APH1B: variants seen among roughly 807,000 people sequenced by gnomAD.
The protein encoded by APH1B is gamma-secretase subunit APH-1B.
In APH1B, 27 loss-of-function variants were observed where a neutral mutation model predicts 28.2. That is an observed-to-expected ratio of 0.96 (90% CI 0.70 to 1.32). The LOEUF is 1.32. Ranked by LOEUF, APH1B falls within the 40% of genes most tolerant of loss-of-function variation. The probability of loss-of-function intolerance (pLI) is 0.00; values close to 1 mark genes in which losing one functional copy is unlikely to be tolerated. For missense variants in APH1B, 305 were observed against 313.6 expected, an observed-to-expected ratio of 0.97 and a Z score of 0.21; for synonymous variants, 141 against 124.6, an observed-to-expected ratio of 1.13 and a Z score of -0.88.
chr15:63,283,241 C>G (rs1330166594), intron 2 of APH1B, among the ~76,000 whole-genome samples: 1 of 152,074 alleles, frequency 6.6e-6, no homozygotes, highest in Non-Finnish European at 1.5e-5. Flanking sequence ...TTGATTGATT[C>G]ACTGATTGAC....
intron 2 of APH1B, among the ~76,000 whole-genome samples, chr15:63,283,094 T>C (rs1275146152): frequency 2.0e-5 from 3 of 152,202 alleles, no homozygotes; most frequent in Non-Finnish European, 4.4e-5. Context: ...ATGTTGACAT[T>C]GAGAACTCTT....
chr15:63,287,576 G>C (rs200254809), intron 4 of APH1B, 30 bp downstream of exon 4: 94 of 1,607,756 alleles, frequency 5.8e-5, no homozygotes, highest in Non-Finnish European at 7.9e-5. Flanking sequence ...CAACATTCAG[G>C]CTTCTAGTCT....
chr15:63,287,354 A>G (rs1243963448), intron 3 of APH1B, 70 bp from the exon 4 acceptor site: 3 of 1,593,298 alleles, frequency 1.9e-6, no homozygotes, highest in Non-Finnish European at 2.6e-6. Context: ...CTTTGTATTA[A>G]CTAGTCCTTG....
intron 2 of APH1B, among the ~76,000 whole-genome samples, chr15:63,280,093 C>T (rs1035748573): frequency 1.3e-5 from 2 of 152,190 alleles, no homozygotes; most frequent in Admixed American, 6.5e-5. Context: ...CCACCACACC[C>T]GGCCAAGATA....
chr15:63,279,412 T>A, intron 2 of APH1B, 81 bp downstream of exon 2: 1 of 1,321,046 alleles, frequency 7.6e-7, no homozygotes, highest in Non-Finnish European at 1.0e-6. Context: ...GTGAATATAG[T>A]ATTGTATCTA....
intron 4 of APH1B, among the ~76,000 whole-genome samples, chr15:63,299,085 T>C (rs2038597566): frequency 6.6e-6 from 1 of 152,172 alleles, no homozygotes; most frequent in South Asian, 2.1e-4. Flanking sequence ...ACCAGAGGTA[T>C]AGACAGAGTG....
chr15:63,305,355 T>C (rs1331469232), intron 5 of APH1B, among the ~76,000 whole-genome samples: 1 of 152,234 alleles, frequency 6.6e-6, no homozygotes, highest in Non-Finnish European at 1.5e-5. Flanking sequence ...GCATCTTGTA[T>C]TGTATATTCC....
At chr15:63,278,808 T>C (rs1404637638) in intron 1 of APH1B, among the ~76,000 whole-genome samples, 1 of 152,232 alleles carries the variant, frequency 6.6e-6, no homozygotes, top group Non-Finnish European at 1.5e-5. Context: ...TTTTCTTGTT[T>C]TGGCTCATCA....
intron 4 of APH1B, among the ~76,000 whole-genome samples, chr15:63,288,776 T>A (rs1202573841): frequency 6.6e-6 from 1 of 152,256 alleles, no homozygotes; most frequent in Non-Finnish European, 1.5e-5. Flanking sequence ...TGTTAATGAT[T>A]GATTATACTG....
chr15:63,297,387 G>T (rs532320124), intron 4 of APH1B, among the ~76,000 whole-genome samples: 1 of 152,180 alleles, frequency 6.6e-6, no homozygotes, highest in South Asian at 2.1e-4. Flanking sequence ...AAATTAGTCG[G>T]GCCTGGTGGT....
chr15:63,283,815 T>C (rs2038415505), intron 2 of APH1B, among the ~76,000 whole-genome samples: 1 of 152,240 alleles, frequency 6.6e-6, no homozygotes, highest in African/African-American at 2.4e-5. Flanking sequence ...GACAGTTTTA[T>C]AGTTTTAGCT....
At position 63,293,590 on chromosome 15, in the gene APH1B, CAG is replaced by C. The variant is rs548554458; in HGVS notation, c.478+6045_478+6046del. Among the ~76,000 whole-genome samples the C allele has an allele frequency of 3.9e-5, 6 of 152,068 alleles. No individual in the cohort carries two copies. In the South Asian group the frequency reaches 1.2e-3, roughly 32 times the overall value. ...TTGGCTCACTGCAACCTCCGCCTTC[CAG>C]GTTCAAGCGATTCTCCTGCCTCAGC... is the stretch of plus-strand genomic sequence containing the variant. On this transcript the variant is annotated intron_variant, in intron 4 of 5. Coordinates refer to ENST00000261879, the MANE Select transcript of APH1B (RefSeq NM_031301.4).
chr15:63,297,843 A>G (rs1244834209), intron 4 of APH1B, among the ~76,000 whole-genome samples: 1 of 152,210 alleles, frequency 6.6e-6, no homozygotes, highest in African/African-American at 2.4e-5. Context: ...CCGGCATTCT[A>G]ACATAGCACG....
At chr15:63,300,961 A>G (rs960272713) in intron 4 of APH1B, among the ~76,000 whole-genome samples, 2 of 152,232 alleles carry the variant, frequency 1.3e-5, no homozygotes, top group Admixed American at 6.5e-5. Flanking sequence ...ATTATTACAG[A>G]CAGTGCTGAC....
rs1189965451 is a variant in APH1B at position 63,308,005 on chromosome 15, C to A, written c.*2224C>A. 1 of 152,102 alleles carries A rather than the reference C, an allele frequency of 6.6e-6. No individual in the cohort carries two copies. Among genetic ancestry groups the A allele is most frequent in the East Asian group, 1.9e-4 (1 of 5,196 alleles). The allele number at this position is 152,102 out of a possible 1,614,324, so 9.4% of individuals were successfully genotyped here. The stretch of plus-strand genomic sequence containing the variant: ...AGAGTCAGCTTAGACACTGTTGTCG[C>A]AAATAGCCATGCTTTGCCTTATGCC... On this transcript the variant is annotated 3_prime_UTR_variant, in exon 6 of 6. Transcript: ENST00000261879.
intron 3 of APH1B, among the ~76,000 whole-genome samples, chr15:63,286,901 A>T (rs1487663763): frequency 1.3e-5 from 2 of 152,228 alleles, no homozygotes; most frequent in Non-Finnish European, 2.9e-5. Context: ...AAGATTTTCT[A>T]GATGATGAAA....
At chr15:63,300,731 C>A (rs1435141654) in intron 4 of APH1B, among the ~76,000 whole-genome samples, 2 of 152,184 alleles carry the variant, frequency 1.3e-5, no homozygotes, top group Non-Finnish European at 2.9e-5. Context: ...ACGTTTACAC[C>A]AGATATAACA....
chr15:63,302,959 A>G (rs2038648536), intron 5 of APH1B, among the ~76,000 whole-genome samples: 1 of 152,170 alleles, frequency 6.6e-6, no homozygotes, highest in Non-Finnish European at 1.5e-5. Context: ...GGCACATAGT[A>G]GGTGGCCAGT....
intron 2 of APH1B, among the ~76,000 whole-genome samples, chr15:63,281,304 C>T (rs2038384263): frequency 6.6e-6 from 1 of 152,060 alleles, no homozygotes; most frequent in Admixed American, 6.5e-5. Context: ...GCTTCCAAAC[C>T]TTTCCAAAAG....
Sources: gnomAD v4.1 joint callset for allele counts (sites outside exome capture counted in the v4.1 genomes callset) on GRCh38, gnomAD v4.1.1 for gene constraint, MANE v1.5 for transcripts, NCBI Gene and HGNC (gene_info 2026-07-23, HGNC 2026-07-21) for gene names.